The following B3GALT1 variants were observed in gnomAD, a reference collection of about 807,000 sequenced individuals.
B3GALT1 encodes the protein beta-1,3-galactosyltransferase 1, also known as UDP-Gal:betaGlcNAc beta 1,3-galactosyltransferase, polypeptide 1.
A neutral mutation model predicts 23.2 loss-of-function variants in B3GALT1; 10 were observed. The observed-to-expected ratio is 0.43, with a 90% CI of 0.27 to 0.73. The LOEUF (loss-of-function observed/expected upper bound fraction) is 0.73, where lower values mean the gene tolerates loss of function less well. Ranked by LOEUF, B3GALT1 falls within the 30% of genes least tolerant of loss-of-function variation. The pLI is 0.21. For missense variants in B3GALT1, 299 were observed against 405.4 expected (o/e 0.74, Z 2.25); for synonymous variants, 156 against 141.5 (o/e 1.10, Z -0.73).
chr2:167,397,990 A>G (rs1698122971), intron 1 of B3GALT1, among the ~76,000 whole-genome samples: 1 of 152,162 alleles, frequency 6.6e-6, no homozygotes, highest in Non-Finnish European at 1.5e-5. Flanking sequence ...GCAAAGTAAT[A>G]TGACATTGCT....
intron 1 of B3GALT1, among the ~76,000 whole-genome samples, chr2:167,386,204 T>C (rs942259425): frequency 5.9e-5 from 9 of 152,132 alleles, no homozygotes; most frequent in African/African-American, 2.2e-4. Flanking sequence ...GTAGCACTAA[T>C]GAAGTTCAGC....
At chr2:167,686,689 G>A (rs999403131) in intron 3 of B3GALT1, among the ~76,000 whole-genome samples, 2 of 152,064 alleles carry the variant, frequency 1.3e-5, no homozygotes, top group Non-Finnish European at 2.9e-5. Flanking sequence ...TTTCTATTTC[G>A]TGCTCATGCC....
chr2:167,820,277 G>A (rs1279207423), intron 4 of B3GALT1, among the ~76,000 whole-genome samples: 1 of 152,146 alleles, frequency 6.6e-6, no homozygotes, highest in Non-Finnish European at 1.5e-5. Flanking sequence ...AAAACAAACA[G>A]GGTGCTCAGG....
chr2:167,797,739 T>C lies in B3GALT1; in HGVS notation c.-351-20933T>C, dbSNP rs374873629. Reference sequence around the variant, plus strand: ...TGTTTTGTTTTTTGAGATAGAGTCTTGCTCTGTTGCCCAGGCTGGAGTGCA... The same window carrying C: ...TGTTTTGTTTTTTGAGATAGAGTCTCGCTCTGTTGCCCAGGCTGGAGTGCA... On this transcript the variant is annotated intron_variant, in intron 3 of 4. Transcript: ENST00000392690. Among the ~76,000 whole-genome samples, 197 of 151,620 alleles carry C rather than the reference T, an allele frequency of 1.3e-3. 3 individuals carry two copies. The highest frequency in any genetic ancestry group is 4.5e-3 in the African/African-American group (184 of 40,952).
chr2:167,829,705 G>A lies in B3GALT1; in HGVS notation c.-230+10912G>A, dbSNP rs115223573. ...CCTTTGTTGATATCCTTCTCCACTG[G>A]CATCATCTCTACCCCTCCCCTTGGC... On this transcript the variant is annotated intron_variant, in intron 4 of 4. Transcript: ENST00000392690. Among the ~76,000 whole-genome samples, 1,332 of 152,080 alleles carry A rather than the reference G, an allele frequency of 8.8e-3. 26 individuals carry two copies. The highest frequency in any genetic ancestry group is 0.03 in the African/African-American group (1,262 of 41,472).
chr2:167,306,279 T>C (rs1438134262), intron 1 of B3GALT1, among the ~76,000 whole-genome samples: 1 of 151,998 alleles, frequency 6.6e-6, no homozygotes, highest in African/African-American at 2.4e-5. Context: ...AAAATGATTA[T>C]AATAAAATAT....
In B3GALT1 at chr2:167,869,526, G is replaced by T; in HGVS notation, c.487G>T (p.Val163Leu). The change falls in exon 5 of 5, where the codon GTG becomes TTG. Residue 163 changes from valine (V) to leucine (L), a missense_variant. Transcript: ENST00000392690. The surrounding 1 kb of genome is among the most constrained non-coding windows in gnomAD (Gnocchi z 6.4). ...CAAAACATTAATGGGGATGAGATGG[G>T]TGGCCACTTTTTGTTCAAAAGCCAA... ...TLKTLMGMRW[V>L]ATFCSKAKYV... 6.2e-7 allele frequency: 1 copy of T among 1,614,028 alleles called. No homozygotes were observed. Among genetic ancestry groups the T allele is most frequent in the Non-Finnish European group, 8.5e-7 (1 of 1,180,038 alleles).
At chr2:167,719,582 G>A (rs1269756568) in intron 3 of B3GALT1, among the ~76,000 whole-genome samples, 1 of 152,214 alleles carries the variant, frequency 6.6e-6, no homozygotes, top group Non-Finnish European at 1.5e-5. Flanking sequence ...CAACTGCTTT[G>A]TTTGAGAGGC....
At chr2:167,638,405 TA>T (rs1685595992) in intron 2 of B3GALT1, among the ~76,000 whole-genome samples, 1 of 152,124 alleles carries the variant, frequency 6.6e-6, no homozygotes, top group East Asian at 1.9e-4. Flanking sequence ...TGATCTTGTT[TA>T]AAGCAAGCTT....
intron 4 of B3GALT1, among the ~76,000 whole-genome samples, chr2:167,825,437 G>GTGTGT (rs1553491809): frequency 6.9e-6 from 1 of 144,574 alleles, no homozygotes; most frequent in East Asian, 2.0e-4. Flanking sequence ...TATATGCAGG[G>GTGTGT]GTGTGTGTGT....
At chr2:167,588,054 A>G (rs960038131) in intron 2 of B3GALT1, among the ~76,000 whole-genome samples, 6 of 152,184 alleles carry the variant, frequency 3.9e-5, no homozygotes, top group African/African-American at 7.2e-5. Flanking sequence ...AAATTTGCTT[A>G]CTGATCCTGA....
At chr2:167,689,392 T>C (rs911542359) in intron 3 of B3GALT1, among the ~76,000 whole-genome samples, 1 of 152,052 alleles carries the variant, frequency 6.6e-6, no homozygotes, top group South Asian at 2.1e-4. Flanking sequence ...CCAACAGACA[T>C]ACCTGAAAAG....
intron 2 of B3GALT1, among the ~76,000 whole-genome samples, chr2:167,634,606 CT>C (rs1017286561): frequency 6.6e-6 from 1 of 151,760 alleles, no homozygotes; most frequent in African/African-American, 2.4e-5. Flanking sequence ...CTAGAAGAAA[CT>C]TATAAATTCC....
chr2:167,522,183 A>G (rs1700200443), intron 2 of B3GALT1, among the ~76,000 whole-genome samples: 1 of 151,802 alleles, frequency 6.6e-6, no homozygotes, highest in Admixed American at 6.6e-5. Flanking sequence ...CTTTTATGAG[A>G]CCTGCTTTTG....
At chr2:167,863,706 G>A (rs2105435040) in intron 4 of B3GALT1, among the ~76,000 whole-genome samples, 1 of 152,102 alleles carries the variant, frequency 6.6e-6, no homozygotes, top group African/African-American at 2.4e-5. Context: ...GCATATTTTT[G>A]TACTGTTTTG....
At chr2:167,404,004 C>T (rs549884232) in intron 1 of B3GALT1, among the ~76,000 whole-genome samples, 89 of 152,182 alleles carry the variant, frequency 5.8e-4, no homozygotes, top group Non-Finnish European at 5.9e-4. Context: ...ATACCCAGGG[C>T]TGAGTAATTG....
At chr2:167,437,238 G>A (rs1698801380) in intron 1 of B3GALT1, among the ~76,000 whole-genome samples, 1 of 152,192 alleles carries the variant, frequency 6.6e-6, no homozygotes, top group Non-Finnish European at 1.5e-5. Flanking sequence ...TCTGGGATGG[G>A]CTAAGCTTAG....
At chr2:167,857,250 T>C (rs1472896662) in intron 4 of B3GALT1, among the ~76,000 whole-genome samples, 1 of 151,356 alleles carries the variant, frequency 6.6e-6, no homozygotes, top group Non-Finnish European at 1.5e-5. Flanking sequence ...GAGGAGAGCA[T>C]AGAGAAGTGA....
chr2:167,609,934 G>A (rs1685029767), intron 2 of B3GALT1, among the ~76,000 whole-genome samples: 1 of 152,004 alleles, frequency 6.6e-6, no homozygotes, highest in Admixed American at 6.6e-5. Flanking sequence ...TTTCACTAGA[G>A]AGAAATAGAA....
Sources: allele counts gnomAD v4.1 joint callset (sites outside exome capture counted in the v4.1 genomes callset), GRCh38; gene constraint gnomAD v4.1.1; non-coding constraint Gnocchi (gnomAD v3.1); transcripts MANE v1.5; gene names NCBI Gene and HGNC (gene_info 2026-07-23, HGNC 2026-07-21).